Variants in SLC11A2 observed in about 807,000 individuals in gnomAD.
SLC11A2 encodes solute carrier family 11 member 2.
Under a neutral mutation model 68.0 loss-of-function variants are expected in SLC11A2, and 38 were observed. The ratio of observed to expected loss-of-function variants is 0.56; its 90% CI spans 0.43 to 0.73. SLC11A2 has a LOEUF of 0.73. SLC11A2 is among the 30% of genes least tolerant of loss of function. The pLI is 0.00. For missense variants in SLC11A2, 517 were observed against 690.5 expected (o/e 0.75, Z 2.82); for synonymous variants, 242 against 250.6 (o/e 0.97, Z 0.32).
At chr12:51,028,165 T>C (rs748888129), upstream of SLC11A2, 545 of 1,525,100 alleles carry the variant, frequency 3.6e-4, 1 homozygote, top group South Asian at 1.2e-3. Flanking sequence ...GCAGCTTCCC[T>C]GGGCTACTTA....
Position 51,010,745 on chromosome 12 carries a change from G to T in SLC11A2, c.-17C>A. The T allele has an allele frequency of 6.2e-7, 1 of 1,602,982 alleles. No homozygotes were observed. The highest frequency in any genetic ancestry group is 8.5e-7 in the Non-Finnish European group (1 of 1,171,234). On this transcript the variant is annotated 5_prime_UTR_variant, in exon 2 of 16. Transcript: ENST00000262052. ...CAGCACCATGGTGGATACCTGAGTG[G>T]CTGAGTTCTTAGAATATGATTCTGG...
chr12:50,960,393 T>C, the SLC11A2 span, among the ~76,000 whole-genome samples: 2 of 152,204 alleles, frequency 1.3e-5, no homozygotes, highest in Admixed American at 1.3e-4. Flanking sequence ...GATAATAACT[T>C]TGTAGCATGC....
intron 5 of SLC11A2, among the ~76,000 whole-genome samples, chr12:51,001,799 A>G (rs1261969741): frequency 6.6e-6 from 1 of 152,040 alleles, no homozygotes; most frequent in African/African-American, 2.4e-5. Flanking sequence ...ATGCCACTGC[A>G]CTCCAGAGTG....
intron 3 of SLC11A2, chr12:51,005,785 G>A (rs757937837): frequency 1.5e-5 from 14 of 918,736 alleles, no homozygotes; most frequent in Non-Finnish European, 2.1e-5. Flanking sequence ...GCTGTGTGGT[G>A]TGTGCCTATA....
At chr12:50,967,040 G>A in the SLC11A2 span, among the ~76,000 whole-genome samples, 1 of 151,908 alleles carries the variant, frequency 6.6e-6, no homozygotes. Flanking sequence ...CTTGAACCCA[G>A]GAGGCAGAGG....
In SLC11A2 at chr12:51,026,344, C is replaced by T; in HGVS notation, c.-73G>A. On this transcript the variant is annotated 5_prime_UTR_variant, in exon 1 of 16. Coordinates refer to ENST00000262052, the MANE Select transcript of SLC11A2 (RefSeq NM_000617.3). Reference sequence around the variant, plus strand: ...TCCGCAACCACCTGACACGCCGCCCCCGCGCCCAGGGCTCCATATTCCGGG... The same window carrying T: ...TCCGCAACCACCTGACACGCCGCCCTCGCGCCCAGGGCTCCATATTCCGGG... 7.8e-7 allele frequency: 1 copy of T among 1,281,514 alleles called. No homozygotes were observed. Among genetic ancestry groups the T allele is most frequent in the Non-Finnish European group, 1.0e-6 (1 of 984,014 alleles). 79.4% of individuals were successfully genotyped at this position (1,281,514 alleles called of 1,614,324 possible). A position where few individuals can be genotyped will look rare whatever the true frequency, so the allele number is the denominator to read the frequency against.
chr12:51,009,096 C>G (rs1942990057), intron 2 of SLC11A2: 1 of 1,345,846 alleles, frequency 7.4e-7, no homozygotes, highest in African/African-American at 1.4e-5. Context: ...CTCCCCACCT[C>G]CTATATTTGG....
chr12:50,972,405 T>C, the SLC11A2 span, among the ~76,000 whole-genome samples: 1 of 152,200 alleles, frequency 6.6e-6, no homozygotes, highest in East Asian at 1.9e-4. Context: ...TATGTTTAAA[T>C]TAAAATGTAA....
downstream of SLC11A2, chr12:50,980,959 T>C (rs1432999432): frequency 1.3e-5 from 2 of 152,226 alleles, no homozygotes; most frequent in Non-Finnish European, 2.9e-5. Flanking sequence ...GATCACTGGT[T>C]AAAGTGTGGT....
At chr12:50,969,542 A>T in the SLC11A2 span, among the ~76,000 whole-genome samples, 1 of 152,012 alleles carries the variant, frequency 6.6e-6, no homozygotes, top group African/African-American at 2.4e-5. Context: ...TGTACTAAAA[A>T]TACAAAAATT....
chr12:50,968,063 G>A, the SLC11A2 span, among the ~76,000 whole-genome samples: 1 of 152,096 alleles, frequency 6.6e-6, no homozygotes, highest in African/African-American at 2.4e-5. Context: ...TCCAGCCTTG[G>A]CCACAGAGCG....
At chr12:50,978,555 T>C (rs1939884344), downstream of SLC11A2, among the ~76,000 whole-genome samples, 1 of 149,774 alleles carries the variant, frequency 6.7e-6, no homozygotes, top group Admixed American at 6.7e-5. Context: ...GACGAGTTAA[T>C]GGGTGCAGCA....
chr12:50,974,292 T>C, the SLC11A2 span, among the ~76,000 whole-genome samples: 1 of 152,152 alleles, frequency 6.6e-6, no homozygotes, highest in Non-Finnish European at 1.5e-5. Flanking sequence ...GCTGATCTCT[T>C]GGCAGAAACT....
the SLC11A2 span, among the ~76,000 whole-genome samples, chr12:50,963,463 C>CA: frequency 6.6e-6 from 1 of 150,918 alleles, no homozygotes; most frequent in African/African-American, 2.4e-5. Flanking sequence ...GAACAATACA[C>CA]AGGACAGACT....
the SLC11A2 span, chr12:50,961,119 GTA>G: frequency 6.2e-7 from 1 of 1,612,474 alleles, no homozygotes; most frequent in Non-Finnish European, 8.5e-7. Context: ...CGCTTAATTT[GTA>G]TCTTATGTTC....
At chr12:51,000,876 T>C (rs759637739) in intron 5 of SLC11A2, among the ~76,000 whole-genome samples, 130 of 152,146 alleles carry the variant, frequency 8.5e-4, no homozygotes, top group Middle Eastern at 6.8e-3. Context: ...ATGAAAAGGT[T>C]GGGGTCAGGC....
At chr12:51,005,267 T>C (rs224589) in intron 4 of SLC11A2, 44 bp downstream of exon 4, 21 of 1,603,842 alleles carry the variant, frequency 1.3e-5, no homozygotes, top group Non-Finnish European at 1.8e-5. Context: ...GATGTGAGAG[T>C]GTATTATGTG....
chr12:50,990,869 C>A lies in SLC11A2; in HGVS notation c.1501G>T (p.Asp501Tyr). ...NMYFVVVYVRDLGHVALYVVA... is the reference protein window; with the variant it reads ...NMYFVVVYVRYLGHVALYVVA... Reference sequence around the variant, plus strand: ...ACATATAATGCCACATGCCCTAGGTCCCGGACATAAACCACTACAAAGTAC... The same window carrying A: ...ACATATAATGCCACATGCCCTAGGTACCGGACATAAACCACTACAAAGTAC... The change falls in exon 15 of 16, where the codon GAC becomes TAC. Residue 501 changes from aspartate (D) to tyrosine (Y), a missense_variant. By Grantham distance (160) the Asp-to-Tyr change is radical. Transcript: ENST00000262052. 6.2e-7 allele frequency: 1 copy of A among 1,614,048 alleles called. No individual in the cohort carries two copies. Among genetic ancestry groups the A allele is most frequent in the African/African-American group, 1.3e-5 (1 of 75,034 alleles).
chr12:51,009,334 G>T (rs922029611), intron 2 of SLC11A2: 8 of 1,232,240 alleles, frequency 6.5e-6, no homozygotes, highest in Non-Finnish European at 7.1e-6. Context: ...TGATATCAGC[G>T]TTTCCCTGAG....
Sources: gnomAD v4.1 joint callset for allele counts (sites outside exome capture counted in the v4.1 genomes callset) on GRCh38, gnomAD v4.1.1 for gene constraint, MANE v1.5 for transcripts, NCBI Gene and HGNC (gene_info 2026-07-23, HGNC 2026-07-21) for gene names.